CYP26C1: variants seen among roughly 807,000 people sequenced by gnomAD.
CYP26C1 encodes cytochrome P450 family 26 subfamily C member 1.
In CYP26C1, 41 loss-of-function variants were observed where a neutral mutation model predicts 39.1. The observed-to-expected ratio is 1.05, with a 90% CI of 0.82 to 1.36. The LOEUF (loss-of-function observed/expected upper bound fraction) is 1.36. CYP26C1 is among the 40% of genes most tolerant of loss of function. The pLI, the probability that CYP26C1 is intolerant of heterozygous loss-of-function variation, is 0.00. For missense variants in CYP26C1, 833 were observed against 752.0 expected (o/e 1.11, Z -1.26); for synonymous variants, 362 against 350.8 (o/e 1.03, Z -0.36).
chr10:93,065,818 G>A lies in CYP26C1; in HGVS notation c.862-138G>A, dbSNP rs575370806. The A allele has an allele frequency of 1.1e-5, 8 of 734,050 alleles. No individual in the cohort carries two copies. In the South Asian group the frequency reaches 2.7e-4, roughly 25 times the overall value. The allele number at this position is 734,050 out of a possible 1,614,324, so 45.5% of individuals were successfully genotyped here. A position where few individuals can be genotyped will look rare whatever the true frequency, so the allele number is the denominator to read the frequency against. ...CTTCAAAACCGTACACACAGTCGCG[G>A]CGGTAATAGCACTTCCCTGCCCCCT... On this transcript the variant is annotated intron_variant, in intron 4 of 5. Transcript: ENST00000651965.
Position 93,061,172 on chromosome 10 carries a change from G to A in CYP26C1, c.-92G>A. On this transcript the variant is annotated 5_prime_UTR_variant, in exon 1 of 6. Coordinates refer to ENST00000651965, the MANE Select transcript of CYP26C1 (RefSeq NM_183374.3). ...CCAAACCCCAGGCCTTTTGCGGACGGAACAGGTGAGCACTGCGCACTGCTC... is the reference window on the plus strand; with the variant it reads ...CCAAACCCCAGGCCTTTTGCGGACGAAACAGGTGAGCACTGCGCACTGCTC... 1 of 1,369,752 alleles carries A rather than the reference G, an allele frequency of 7.3e-7. No homozygotes were observed. The highest frequency in any genetic ancestry group is 9.9e-7 in the Non-Finnish European group (1 of 1,006,096). The allele number at this position is 1,369,752 out of a possible 1,614,324, so 84.8% of individuals were successfully genotyped here.
At chr10:93,066,310 GCCAGCCTCCTGCCT>G (rs1277331857) in intron 5 of CYP26C1, 25 bp downstream of exon 5, 1 of 1,311,722 alleles carries the variant, frequency 7.6e-7, no homozygotes, top group Non-Finnish European at 9.7e-7. Flanking sequence ...CCAGCCCATG[GCCAGCCTCCTGCCT>G]CCTGCCGCCT....
At position 93,068,316 on chromosome 10, in the gene CYP26C1, G is replaced by A; in HGVS notation, c.1192-4G>A. 6.6e-7 allele frequency: 1 copy of A among 1,508,202 alleles called. No homozygotes were observed. Among genetic ancestry groups the A allele is most frequent in the Non-Finnish European group, 8.9e-7 (1 of 1,129,494 alleles). The allele number at this position is 1,508,202 out of a possible 1,614,324, so 93.4% of individuals were successfully genotyped here. On this transcript the variant is annotated splice_region_variant and splice_polypyrimidine_tract_variant and intron_variant, in intron 5 of 5. Transcript: ENST00000651965. ...GTCAGGCTGATCTCCTCGCCTCTCT[G>A]CAGGGCTACCAGATCCCCAAGGGCT...
chr10:93,063,214 C>A, intron 3 of CYP26C1: 2 of 1,271,204 alleles, frequency 1.6e-6, no homozygotes, highest in Non-Finnish European at 2.0e-6. Context: ...GGGCTGGCCA[C>A]ACGACCTCCG....
At chr10:93,065,062 C>T (rs1415932642) in intron 4 of CYP26C1, among the ~76,000 whole-genome samples, 1 of 152,194 alleles carries the variant, frequency 6.6e-6, no homozygotes, top group Non-Finnish European at 1.5e-5. Flanking sequence ...AGGACCCCTC[C>T]CCTTGTACAC....
At position 93,064,519 on chromosome 10, in the gene CYP26C1, T is replaced by TCCATGCA. The variant is rs565866662; in HGVS notation, c.845_851dup (p.Gln284HisfsTer129). On this transcript the variant is annotated frameshift_variant, in exon 4 of 6. Transcript: ENST00000651965. LOFTEE classifies it high-confidence loss of function. ...TGCAAGGGAGCTGGGCCATGAGCCC[T>TCCATGCA]CCATGCAGGAGCTGAAGGTAGGTGC... The TCCATGCA allele has an allele frequency of 2.5e-3, 3,999 of 1,613,456 alleles. 8 individuals carry two copies. Among genetic ancestry groups the TCCATGCA allele is most frequent in the Non-Finnish European group, 2.9e-3 (3,413 of 1,179,570 alleles).
At chr10:93,063,390 G>T in intron 3 of CYP26C1, 1 of 1,011,490 alleles carries the variant, frequency 9.9e-7, no homozygotes, top group Non-Finnish European at 1.2e-6. Context: ...CTGCGGAACC[G>T]AGGAGAGCGT....
rs766860018 is a variant in CYP26C1 at position 93,068,525 on chromosome 10, A to C, written c.1397A>C (p.Gln466Pro). The C allele has an allele frequency of 6.2e-7, 1 of 1,603,596 alleles. No homozygotes were observed. The highest frequency in any genetic ancestry group is 1.3e-5 in the African/African-American group (1 of 74,776). ...ARSCLGQELA[Q>P]AVLQLLAVEL... ...AGCTGCCTCGGCCAGGAGCTGGCGC[A>C]AGCCGTGCTCCAGCTGCTAGCTGTG... The change falls in exon 6 of 6, where the codon CAA becomes CCA. Residue 466 changes from glutamine (Q) to proline (P), a missense_variant. By Grantham distance (76) the Gln-to-Pro change is moderately conservative. Transcript: ENST00000651965.
In CYP26C1 at chr10:93,069,229, C is replaced by T. The variant is rs1226206841; in HGVS notation, c.*532C>T. 1 of 152,372 alleles carries T rather than the reference C, an allele frequency of 6.6e-6. No homozygotes were observed. The highest frequency in any genetic ancestry group is 1.5e-5 in the Non-Finnish European group (1 of 68,180). The allele number at this position is 152,372 out of a possible 1,614,324, so 9.4% of individuals were successfully genotyped here. ...CGCAGAGGATGCCTGACGGAAGGCC[C>T]TCTGGCAGCTGGCGTCTGGCTTCGT... On this transcript the variant is annotated 3_prime_UTR_variant, in exon 6 of 6. Coordinates refer to ENST00000651965, the MANE Select transcript of CYP26C1 (RefSeq NM_183374.3).
At position 93,061,230 on chromosome 10, in the gene CYP26C1, G is replaced by C; in HGVS notation, c.-34G>C. ...GGTTCTTGCGTCCCCTGCTCTCCCT[G>C]CGCTCTGAGCGGCCTGGCCCCCGCG... is the stretch of plus-strand genomic sequence containing the variant. On this transcript the variant is annotated 5_prime_UTR_variant, in exon 1 of 6. Transcript: ENST00000651965. 1 of 1,542,600 alleles carries C rather than the reference G, an allele frequency of 6.5e-7. No individual in the cohort carries two copies.
intron 3 of CYP26C1, 77 bp from the exon 4 acceptor site, chr10:93,064,301 GAGA>G (rs1231532971): frequency 1.3e-6 from 2 of 1,504,906 alleles, no homozygotes; most frequent in East Asian, 4.8e-5. Flanking sequence ...AGCCAGTGCT[GAGA>G]AGGTTTTCTG....
intron 5 of CYP26C1, among the ~76,000 whole-genome samples, chr10:93,066,767 G>C (rs1354649725): frequency 6.6e-6 from 1 of 152,156 alleles, no homozygotes; most frequent in South Asian, 2.1e-4. Flanking sequence ...TCCAGGGGAG[G>C]GGGGGATTAA....
rs1173402639 is a variant in CYP26C1 at position 93,064,413 on chromosome 10, C to T, written c.738C>T (p.His246=). Reference sequence around the variant, plus strand: ...GGGCAAGGGACCAGCTGCATCGGCACCTGGAGGGGGCCATTTCTGAGAAGC... The same window carrying T: ...GGGCAAGGGACCAGCTGCATCGGCATCTGGAGGGGGCCATTTCTGAGAAGC... ...GIRARDQLHR[H]LEGAISEKLH... The change falls in exon 4 of 6, where the codon CAC becomes CAT. Residue 246 remains histidine, a synonymous_variant. Transcript: ENST00000651965. 2 of 1,613,982 alleles carry T rather than the reference C, an allele frequency of 1.2e-6. No individual in the cohort carries two copies. Among genetic ancestry groups the T allele is most frequent in the Non-Finnish European group, 1.7e-6 (2 of 1,180,008 alleles).
rs1846766877 is a variant in CYP26C1, at chr10:93,062,700, G to T, written c.430-20G>T. On this transcript the variant is annotated intron_variant, in intron 2 of 5. Coordinates refer to ENST00000651965, the MANE Select transcript of CYP26C1 (RefSeq NM_183374.3). ...ATGAGGCCAGACCGCCGCCAGCGCT[G>T]ATCACGCGCGCTCCCACAGGTCCTG... is the stretch of plus-strand genomic sequence containing the variant. The T allele has an allele frequency of 7.9e-6, 11 of 1,396,306 alleles. No homozygotes were observed. Among genetic ancestry groups the T allele is most frequent in the Non-Finnish European group, 1.0e-5 (11 of 1,085,096 alleles). 86.5% of individuals were successfully genotyped at this position (1,396,306 alleles called of 1,614,324 possible). A position where few individuals can be genotyped will look rare whatever the true frequency, so the allele number is the denominator to read the frequency against.
At position 93,069,485 on chromosome 10, in the gene CYP26C1, G is replaced by C. The variant is rs570675415; in HGVS notation, c.*788G>C. 1.3e-5 allele frequency: 2 copies of C among 152,424 alleles called. No homozygotes were observed. Among genetic ancestry groups the C allele is most frequent in the Admixed American group, 6.5e-5 (1 of 15,308 alleles). 9.4% of individuals were successfully genotyped at this position (152,424 alleles called of 1,614,324 possible). ...TTGAGACATAATTAGAGAGGTTTGA[G>C]ATATTTGTACCAAAAATAGGAAGGC... On this transcript the variant is annotated 3_prime_UTR_variant, in exon 6 of 6. Coordinates refer to ENST00000651965, the MANE Select transcript of CYP26C1 (RefSeq NM_183374.3).
chr10:93,063,338 C>G, intron 3 of CYP26C1: 1 of 1,076,636 alleles, frequency 9.3e-7, no homozygotes, highest in Non-Finnish European at 1.1e-6. Context: ...ACAGCGGCGC[C>G]CCTGGGGCCG....
rs76924069 is a variant in CYP26C1, at chr10:93,066,324, T to TCCTGCCGCCTGCCGCCTGCCGCCTGCCG, written c.1191+48_1191+75dup. 1.1e-4 allele frequency: 141 copies of TCCTGCCGCCTGCCGCCTGCCGCCTGCCG among 1,232,686 alleles called. No individual in the cohort carries two copies. In the African/African-American group the frequency reaches 2.2e-3, roughly 19 times the overall value. The allele number at this position is 1,232,686 out of a possible 1,614,324, so 76.4% of individuals were successfully genotyped here. ...GCCAGCCCATGGCCAGCCTCCTGCC[T>TCCTGCCGCCTGCCGCCTGCCGCCTGCCG]CCTGCCGCCTGCCGCCTGCCGCCTG... On this transcript the variant is annotated intron_variant, in intron 5 of 5. Coordinates refer to ENST00000651965, the MANE Select transcript of CYP26C1 (RefSeq NM_183374.3).
chr10:93,062,165 T>C lies in CYP26C1; in HGVS notation c.360T>C (p.Ser120=). The stretch of plus-strand genomic sequence containing the variant: ...TGGTGCGCAGCCAGTGGCCGCAGAG[T>C]GCGCACATCCTGCTGGGCTCGCACA... ...HRLVRSQWPQ[S]AHILLGSHTL... The change falls in exon 2 of 6, where the codon AGT becomes AGC. Residue 120 remains serine, a synonymous_variant. Coordinates refer to ENST00000651965, the MANE Select transcript of CYP26C1 (RefSeq NM_183374.3). 2 of 1,539,718 alleles carry C rather than the reference T, an allele frequency of 1.3e-6. No individual in the cohort carries two copies. The highest frequency in any genetic ancestry group is 3.5e-4 in the Middle Eastern group (2 of 5,790).
At position 93,068,189 on chromosome 10, in the gene CYP26C1, G is replaced by C. The variant is rs1283162626; in HGVS notation, c.1192-131G>C. The C allele has an allele frequency of 2.6e-6, 3 of 1,158,252 alleles. No individual in the cohort carries two copies. In the East Asian group the frequency reaches 8.5e-5, roughly 33 times the overall value. The allele number at this position is 1,158,252 out of a possible 1,614,324, so 71.7% of individuals were successfully genotyped here. ...GATTGGAACACAGAGCTTTCTCCTG[G>C]TTTCCGGGTTAATCGCGGATTCCTC... On this transcript the variant is annotated intron_variant, in intron 5 of 5. Transcript: ENST00000651965.
Sources: allele counts gnomAD v4.1 joint callset (sites outside exome capture counted in the v4.1 genomes callset), GRCh38; gene constraint gnomAD v4.1.1; transcripts MANE v1.5; gene names NCBI Gene and HGNC (gene_info 2026-07-23, HGNC 2026-07-21).